Variants in CHST11 observed in about 807,000 individuals in gnomAD.
CHST11 encodes the protein carbohydrate sulfotransferase 11, also known as C4S-1.
Under a neutral mutation model 30.4 loss-of-function variants are expected in CHST11, and 9 were observed. That is an observed-to-expected ratio of 0.30 (90% CI 0.18 to 0.52). The LOEUF is 0.52. Ranked by LOEUF, CHST11 falls within the 20% of genes least tolerant of loss-of-function variation. The probability of loss-of-function intolerance (pLI) is 0.97; values close to 1 mark genes in which losing one functional copy is unlikely to be tolerated. For synonymous variants in CHST11, 152 were observed against 187.8 expected (o/e 0.81, Z 1.56); for missense variants, 348 against 460.6 (o/e 0.76, Z 2.24).
At chr12:104,620,723 T>G (rs2039151376) in intron 2 of CHST11, among the ~76,000 whole-genome samples, 1 of 152,238 alleles carries the variant, frequency 6.6e-6, no homozygotes, top group Non-Finnish European at 1.5e-5. Context: ...TTGGCTGGTT[T>G]TGTTCATTGT....
At chr12:104,541,900 G>A (rs1293938903) in intron 1 of CHST11, among the ~76,000 whole-genome samples, 1 of 152,246 alleles carries the variant, frequency 6.6e-6, no homozygotes, top group African/African-American at 2.4e-5. Flanking sequence ...CTGCACTCCA[G>A]CCTGAGAGAC....
chr12:104,605,440 G>T (rs571456785), intron 2 of CHST11, among the ~76,000 whole-genome samples: 1 of 152,264 alleles, frequency 6.6e-6, no homozygotes, highest in East Asian at 1.9e-4. Flanking sequence ...TTCTATGGGC[G>T]TGGTGGCGGG....
At chr12:104,502,141 T>C (rs2037858942) in intron 1 of CHST11, among the ~76,000 whole-genome samples, 2 of 152,062 alleles carry the variant, frequency 1.3e-5, no homozygotes, top group Non-Finnish European at 1.5e-5. Context: ...GATCTTCCTG[T>C]CTCGACCTCC....
At chr12:104,706,235 T>C (rs968798287) in intron 2 of CHST11, among the ~76,000 whole-genome samples, 4 of 146,226 alleles carry the variant, frequency 2.7e-5, no homozygotes, top group African/African-American at 1.0e-4. Context: ...AATACAAAAA[T>C]TAGCCAGGTG....
chr12:104,740,211 G>A lies in CHST11; in HGVS notation c.205-16738G>A, dbSNP rs76124235. 6.8e-3 allele frequency among the ~76,000 whole-genome samples: 1,039 copies of A among 152,210 alleles called. 7 individuals carry two copies. The highest frequency in any genetic ancestry group is 0.024 in the African/African-American group (979 of 41,536). On this transcript the variant is annotated intron_variant, in intron 2 of 2. Coordinates refer to ENST00000303694, the MANE Select transcript of CHST11 (RefSeq NM_018413.6). ...GCCAGCCCAGGGGGACCTATCCCAC[G>A]TTCCCTATTCTGGATAATAAAATGG...
chr12:104,571,001 T>G (rs2038619041), intron 1 of CHST11, among the ~76,000 whole-genome samples: 1 of 152,052 alleles, frequency 6.6e-6, no homozygotes, highest in African/African-American at 2.4e-5. Flanking sequence ...CACTGTGCTT[T>G]TCCTGAATGA....
chr12:104,670,580 C>T (rs1029701614), intron 2 of CHST11, among the ~76,000 whole-genome samples: 1 of 150,622 alleles, frequency 6.6e-6, no homozygotes, highest in Non-Finnish European at 1.5e-5. Flanking sequence ...CACATGCACT[C>T]ACACTCATAC....
chr12:104,458,163 C>T lies in CHST11; in HGVS notation c.118+634C>T, dbSNP rs1325448218. Among the ~76,000 whole-genome samples the T allele has an allele frequency of 6.6e-6, 1 of 152,046 alleles. No homozygotes were observed. Among genetic ancestry groups the T allele is most frequent in the Non-Finnish European group, 1.5e-5 (1 of 67,980 alleles). On this transcript the variant is annotated intron_variant, in intron 1 of 2. Transcript: ENST00000303694. The surrounding 1 kb of genome is among the most constrained non-coding windows in gnomAD (Gnocchi z 5.7). ...CCAGCGTTGCCCCTCCACCACGCGC[C>T]GGCCGTTTGCCCCCGGGGTCCGGCT...
At chr12:104,546,908 G>A (rs1043692507) in intron 1 of CHST11, among the ~76,000 whole-genome samples, 3 of 152,234 alleles carry the variant, frequency 2.0e-5, no homozygotes, top group African/African-American at 4.8e-5. Flanking sequence ...TTTTAGAACA[G>A]TGTCCTCCAA....
intron 2 of CHST11, among the ~76,000 whole-genome samples, chr12:104,627,115 G>A (rs982738384): frequency 5.3e-5 from 8 of 152,022 alleles, no homozygotes; most frequent in Non-Finnish European, 5.9e-5. Context: ...TCAGAGTGGC[G>A]TCTTTCACTT....
In CHST11 at chr12:104,757,389, G is replaced by A. The variant is rs748214778; in HGVS notation, c.645G>A (p.Lys215=). 51 of 1,614,006 alleles carry A rather than the reference G, an allele frequency of 3.2e-5. No individual in the cohort carries two copies. In the Admixed American group the frequency reaches 5.7e-4, roughly 18 times the overall value. Residue 215 remains lysine, a synonymous_variant, in exon 3 of 3, where the codon AAG becomes AAA. Transcript: ENST00000303694. The surrounding 1 kb of genome is among the most constrained non-coding windows in gnomAD (Gnocchi z 6.5). ...NISFHKRYGT[K]IIKRQRKNAT... Reference sequence around the variant, plus strand: ...CCTTCCACAAGCGGTACGGCACCAAGATCATCAAACGCCAGCGGAAGAACG... The same window carrying A: ...CCTTCCACAAGCGGTACGGCACCAAAATCATCAAACGCCAGCGGAAGAACG...
At chr12:104,625,557 G>T (rs1464719944) in intron 2 of CHST11, among the ~76,000 whole-genome samples, 1 of 152,180 alleles carries the variant, frequency 6.6e-6, no homozygotes, top group Non-Finnish European at 1.5e-5. Context: ...CGCCCGCCTT[G>T]GCCTCCCAAA....
intron 1 of CHST11, among the ~76,000 whole-genome samples, chr12:104,571,743 A>G (rs538262163): frequency 1.3e-5 from 2 of 152,346 alleles, no homozygotes; most frequent in South Asian, 4.1e-4. Context: ...GTTAGACTAG[A>G]AAAAGGAGCT....
chr12:104,713,648 C>T (rs1430404565), intron 2 of CHST11, among the ~76,000 whole-genome samples: 1 of 152,180 alleles, frequency 6.6e-6, no homozygotes, highest in East Asian at 1.9e-4. Context: ...GGATGCCGTG[C>T]TGGGCCACTC....
intron 1 of CHST11, among the ~76,000 whole-genome samples, chr12:104,554,966 G>A (rs543998569): frequency 6.6e-6 from 1 of 152,310 alleles, no homozygotes; most frequent in South Asian, 2.1e-4. Context: ...TGAGTTACTG[G>A]AAAATCCAGT....
chr12:104,544,914 G>C (rs761603973), intron 1 of CHST11, among the ~76,000 whole-genome samples: 1 of 151,968 alleles, frequency 6.6e-6, no homozygotes, highest in African/African-American at 2.4e-5. Context: ...ATGTCGTTTC[G>C]AAGTATGCCA....
chr12:104,597,407 T>G lies in CHST11; in HGVS notation c.119-4499T>G, dbSNP rs550441242. 2.1e-3 allele frequency among the ~76,000 whole-genome samples: 314 copies of G among 152,294 alleles called. 1 individual carries two copies. Among genetic ancestry groups the G allele is most frequent in the African/African-American group, 6.8e-3 (284 of 41,546 alleles). On this transcript the variant is annotated intron_variant, in intron 1 of 2. Transcript: ENST00000303694. ...GGGGTGGACAGCAGAAGCCTGCCGT[T>G]AAATGTCCTCAGGGCCTCAGGGATT...
At chr12:104,517,290 G>A (rs899936360) in intron 1 of CHST11, among the ~76,000 whole-genome samples, 2 of 152,142 alleles carry the variant, frequency 1.3e-5, no homozygotes, top group South Asian at 2.1e-4. Flanking sequence ...TTGCACCCGC[G>A]CTTGGATGGG....
At chr12:104,650,700 T>A (rs2039482389) in intron 2 of CHST11, among the ~76,000 whole-genome samples, 1 of 152,190 alleles carries the variant, frequency 6.6e-6, no homozygotes, top group Non-Finnish European at 1.5e-5. Flanking sequence ...TGCTAGCCAA[T>A]GGACAGTTCC....
Sources: gnomAD v4.1 joint callset for allele counts (sites outside exome capture counted in the v4.1 genomes callset) on GRCh38, gnomAD v4.1.1 for gene constraint, Gnocchi (gnomAD v3.1) non-coding constraint, MANE v1.5 for transcripts, NCBI Gene and HGNC (gene_info 2026-07-23, HGNC 2026-07-21) for gene names.